GNAQ: variants seen among roughly 807,000 people sequenced by gnomAD.
The protein encoded by GNAQ is G protein subunit alpha q.
In GNAQ, 8 loss-of-function variants were observed where a neutral mutation model predicts 43.9. The ratio of observed to expected loss-of-function variants is 0.18; its 90% CI spans 0.11 to 0.33. GNAQ has a LOEUF of 0.33. Ranked by LOEUF, GNAQ falls within the 10% of genes least tolerant of loss-of-function variation. The pLI, the probability that GNAQ is intolerant of heterozygous loss-of-function variation, is 1.00. For synonymous variants in GNAQ, 155 were observed against 170.7 expected, an observed-to-expected ratio of 0.91 and a Z score of 0.71; for missense variants, 158 against 450.8, an observed-to-expected ratio of 0.35 and a Z score of 5.88.
chr9:77,718,621 A>G lies in GNAQ; in HGVS notation c.*2702T>C, dbSNP rs1825260078. On this transcript the variant is annotated 3_prime_UTR_variant, in exon 7 of 7. Coordinates refer to ENST00000286548, the MANE Select transcript of GNAQ (RefSeq NM_002072.5). The stretch of plus-strand genomic sequence containing the variant: ...AGGTTTAATTGACTACATTTACTAT[A>G]GCTCTATTAAATAGAATATCTTGAT... 1 of 232,276 alleles carries G rather than the reference A, an allele frequency of 4.3e-6. No individual in the cohort carries two copies. Among genetic ancestry groups the G allele is most frequent in the Non-Finnish European group, 8.5e-6 (1 of 117,640 alleles). The allele number at this position is 232,276 out of a possible 1,614,324, so 14.4% of individuals were successfully genotyped here.
At chr9:77,739,986 A>C (rs1825629629) in intron 5 of GNAQ, among the ~76,000 whole-genome samples, 1 of 152,270 alleles carries the variant, frequency 6.6e-6, no homozygotes, top group Non-Finnish European at 1.5e-5. Context: ...AGCACACATC[A>C]GCGCATCAGA....
chr9:77,773,117 A>T lies in GNAQ; in HGVS notation c.735+21346T>A, dbSNP rs1191714450. 3.3e-5 allele frequency among the ~76,000 whole-genome samples: 5 copies of T among 152,156 alleles called. No individual in the cohort carries two copies. The East Asian group carries it at 9.6e-4, about 29-fold the overall frequency. On this transcript the variant is annotated intron_variant, in intron 5 of 6. Transcript: ENST00000286548. ...TTTTTTGGGCATGTTAAACCTTTTCATTCTCTTATTGTAAAAGAAATTTTC... is the reference window on the plus strand; with the variant it reads ...TTTTTTGGGCATGTTAAACCTTTTCTTTCTCTTATTGTAAAAGAAATTTTC...
At chr9:77,935,706 C>T (rs527705232) in intron 1 of GNAQ, among the ~76,000 whole-genome samples, 51 of 152,204 alleles carry the variant, frequency 3.4e-4, no homozygotes, top group Admixed American at 7.8e-4. Context: ...AAAAAGGTAC[C>T]CTATGGGCTG....
intron 1 of GNAQ, among the ~76,000 whole-genome samples, chr9:78,002,688 C>A (rs1334978292): frequency 6.6e-6 from 1 of 152,170 alleles, no homozygotes; most frequent in East Asian, 1.9e-4. Context: ...ATCTTTTCAA[C>A]TAGGAATCTG....
At chr9:77,827,690 T>C (rs964769695) in intron 2 of GNAQ, among the ~76,000 whole-genome samples, 2 of 152,112 alleles carry the variant, frequency 1.3e-5, no homozygotes, top group African/African-American at 2.4e-5. Flanking sequence ...GACCGCTTCA[T>C]TCTTCTCTCT....
chr9:78,006,747 G>A (rs1050400621), intron 1 of GNAQ, among the ~76,000 whole-genome samples: 7 of 152,200 alleles, frequency 4.6e-5, no homozygotes, highest in African/African-American at 1.7e-4. Context: ...AGTCGAGTTT[G>A]AGACTTCTAA....
intron 1 of GNAQ, among the ~76,000 whole-genome samples, chr9:78,009,570 G>T (rs1178627820): frequency 6.6e-6 from 1 of 152,178 alleles, no homozygotes; most frequent in Admixed American, 6.5e-5. Flanking sequence ...CAGAATGACA[G>T]ACTATGGCAA....
At chr9:78,010,296 G>A (rs2118578493) in intron 1 of GNAQ, among the ~76,000 whole-genome samples, 1 of 152,322 alleles carries the variant, frequency 6.6e-6, no homozygotes, top group East Asian at 1.9e-4. Context: ...AGAAACAAAT[G>A]TGTTCCAGTG....
At chr9:77,753,279 G>A (rs1053315217) in intron 5 of GNAQ, among the ~76,000 whole-genome samples, 3 of 151,918 alleles carry the variant, frequency 2.0e-5, no homozygotes, top group Non-Finnish European at 1.5e-5. Context: ...ACACATGCGC[G>A]TGCGCACGCG....
At chr9:77,972,473 C>A (rs2118464496) in intron 1 of GNAQ, among the ~76,000 whole-genome samples, 1 of 152,102 alleles carries the variant, frequency 6.6e-6, no homozygotes, top group East Asian at 1.9e-4. Flanking sequence ...TCAGGCAATT[C>A]AGTAAATGGG....
chr9:77,955,270 G>A (rs1389768525), intron 1 of GNAQ, among the ~76,000 whole-genome samples: 2 of 152,148 alleles, frequency 1.3e-5, no homozygotes, highest in Non-Finnish European at 1.5e-5. Context: ...AGCCTCCTGA[G>A]TAGCTGGGAT....
chr9:77,850,168 G>A (rs921813831), intron 2 of GNAQ, among the ~76,000 whole-genome samples: 1 of 152,140 alleles, frequency 6.6e-6, no homozygotes, highest in African/African-American at 2.4e-5. Context: ...ATCTCAACAT[G>A]CCCCGCATGC....
rs1209768170 is a variant in GNAQ at position 78,031,657 on chromosome 9, CG to C, written c.-423del. On this transcript the variant is annotated 5_prime_UTR_variant, in exon 1 of 7. Transcript: ENST00000286548. ...CGCCTGGCGGCGAGAGCTCATTCAC[CG>C]GGGTGTCCCCGCAGCGAGCGGCCGC... Among the ~76,000 whole-genome samples the C allele has an allele frequency of 1.4e-5, 2 of 147,644 alleles. No individual in the cohort carries two copies. Among genetic ancestry groups the C allele is most frequent in the African/African-American group, 4.9e-5 (2 of 40,932 alleles).
At chr9:77,726,429 T>C (rs1825397355) in intron 6 of GNAQ, among the ~76,000 whole-genome samples, 1 of 152,228 alleles carries the variant, frequency 6.6e-6, no homozygotes, top group African/African-American at 2.4e-5. Context: ...GGAACTTCAA[T>C]TCATTTAACA....
intron 1 of GNAQ, among the ~76,000 whole-genome samples, chr9:77,971,582 T>C (rs1270088441): frequency 2.0e-5 from 3 of 152,178 alleles, no homozygotes; most frequent in East Asian, 1.9e-4. Context: ...TTCAACAGCA[T>C]TTCATGCTAA....
intron 5 of GNAQ, among the ~76,000 whole-genome samples, chr9:77,758,901 A>C (rs1441792446): frequency 6.6e-6 from 1 of 152,204 alleles, no homozygotes; most frequent in African/African-American, 2.4e-5. Flanking sequence ...ATATTTAAAA[A>C]TTTGAAAGAT....
At chr9:77,940,685 C>A (rs768201293) in intron 1 of GNAQ, among the ~76,000 whole-genome samples, 1 of 152,150 alleles carries the variant, frequency 6.6e-6, no homozygotes, top group Non-Finnish European at 1.5e-5. Context: ...ATTTGCAAGT[C>A]GGCTGCGCGC....
At chr9:77,805,986 G>C (rs771787627) in intron 3 of GNAQ, among the ~76,000 whole-genome samples, 1 of 152,144 alleles carries the variant, frequency 6.6e-6, no homozygotes, top group Non-Finnish European at 1.5e-5. Flanking sequence ...GACATAAAGA[G>C]AGCACTAGTG....
intron 5 of GNAQ, among the ~76,000 whole-genome samples, chr9:77,768,185 A>G (rs1029761904): frequency 6.6e-6 from 1 of 152,166 alleles, no homozygotes; most frequent in Non-Finnish European, 1.5e-5. Flanking sequence ...CTGGCTATAG[A>G]GTCTGAGCTC....
Sources: gnomAD v4.1 joint callset for allele counts (sites outside exome capture counted in the v4.1 genomes callset) on GRCh38, gnomAD v4.1.1 for gene constraint, MANE v1.5 for transcripts, NCBI Gene and HGNC (gene_info 2026-07-23, HGNC 2026-07-21) for gene names.